Variants in NXPH1 observed in about 807,000 individuals in gnomAD.
NXPH1 encodes the protein neurexophilin-1.
NXPH1 carries 5 observed loss-of-function variants against 23.7 expected under a neutral mutation model. The ratio of observed to expected loss-of-function variants is 0.21; its 90% CI spans 0.11 to 0.44. NXPH1 has a LOEUF of 0.44. NXPH1 is among the 20% of genes least tolerant of loss of function. The pLI, the probability that NXPH1 is intolerant of heterozygous loss-of-function variation, is 0.99. For synonymous variants in NXPH1, 144 were observed against 122.2 expected (o/e 1.18, Z -1.18); for missense variants, 324 against 321.6 (o/e 1.01, Z -0.06).
At chr7:8,568,910 G>A (rs1818597747) in intron 2 of NXPH1, among the ~76,000 whole-genome samples, 1 of 151,806 alleles carries the variant, frequency 6.6e-6, no homozygotes, top group Non-Finnish European at 1.5e-5. Context: ...ATGCAACAGG[G>A]ATTTGATCAT....
At position 8,751,226 on chromosome 7, in the gene NXPH1, G is replaced by A. The variant is rs969097602; in HGVS notation, c.273G>A (p.Leu91=). 3.7e-6 allele frequency: 6 copies of A among 1,613,902 alleles called. No homozygotes were observed. Among genetic ancestry groups the A allele is most frequent in the African/African-American group, 1.3e-5 (1 of 75,060 alleles). Residue 91 remains leucine, a synonymous_variant, in exon 3 of 3, where the codon CTG becomes CTA. Transcript: ENST00000405863. The surrounding 1 kb of genome is among the most constrained non-coding windows in gnomAD (Gnocchi z 4.5). The stretch of plus-strand genomic sequence containing the variant: ...CTGAGCAAGACCTCTGGGACTGGCT[G>A]AGGAACTCCACAGACCTTCAAGAGC... ...PYSEQDLWDW[L]RNSTDLQEPR...
intron 2 of NXPH1, among the ~76,000 whole-genome samples, chr7:8,677,687 T>C (rs181514552): frequency 6.6e-6 from 1 of 152,170 alleles, no homozygotes; most frequent in African/African-American, 2.4e-5. Flanking sequence ...TTTCCAACTA[T>C]ACAAGGCACT....
chr7:8,578,576 A>C (rs528617803), intron 2 of NXPH1, among the ~76,000 whole-genome samples: 1 of 152,234 alleles, frequency 6.6e-6, no homozygotes, highest in Non-Finnish European at 1.5e-5. Context: ...AAAGCAGAGC[A>C]GATTTTATAG....
intron 2 of NXPH1, among the ~76,000 whole-genome samples, chr7:8,612,718 C>T (rs966264327): frequency 5.9e-5 from 9 of 152,056 alleles, no homozygotes; most frequent in African/African-American, 2.2e-4. Flanking sequence ...CACAGTCTGT[C>T]TCATTCATTC....
chr7:8,648,903 A>G (rs1820440364), intron 2 of NXPH1, among the ~76,000 whole-genome samples: 1 of 151,968 alleles, frequency 6.6e-6, no homozygotes, highest in South Asian at 2.1e-4. Context: ...CAAGTTTCTA[A>G]TTGGTATATC....
chr7:8,691,410 A>G (rs1425559044), intron 2 of NXPH1, among the ~76,000 whole-genome samples: 1 of 152,146 alleles, frequency 6.6e-6, no homozygotes, highest in Non-Finnish European at 1.5e-5. Flanking sequence ...CAGCCTCCCA[A>G]AGTGCTGGGA....
chr7:8,492,804 A>G (rs961716707), intron 2 of NXPH1, among the ~76,000 whole-genome samples: 7 of 151,990 alleles, frequency 4.6e-5, no homozygotes, highest in African/African-American at 1.7e-4. Context: ...GAAACTGCAC[A>G]ATGAGCCTTC....
At chr7:8,460,259 AT>A (rs1397246160) in intron 2 of NXPH1, among the ~76,000 whole-genome samples, 1 of 152,156 alleles carries the variant, frequency 6.6e-6, no homozygotes, top group Non-Finnish European at 1.5e-5. Flanking sequence ...TTATTTACTA[AT>A]TTTGTACCTC....
intron 2 of NXPH1, among the ~76,000 whole-genome samples, chr7:8,523,499 CTG>C (rs1223912589): frequency 2.6e-5 from 4 of 152,350 alleles, no homozygotes; most frequent in South Asian, 2.1e-4. Context: ...ACTTCTAAAA[CTG>C]TGTCCCAAGG....
chr7:8,742,160 C>T (rs56162120), intron 2 of NXPH1, among the ~76,000 whole-genome samples: 19,616 of 152,106 alleles, frequency 0.13, 1,484 homozygotes, highest in South Asian at 0.19. Context: ...TGAAGGAATA[C>T]TATATCCATG....
intron 2 of NXPH1, among the ~76,000 whole-genome samples, chr7:8,436,149 G>T (rs752620878): frequency 6.6e-6 from 1 of 152,134 alleles, no homozygotes; most frequent in East Asian, 1.9e-4. Context: ...GTAGTTGGGT[G>T]GTGGAAAGAA....
intron 2 of NXPH1, among the ~76,000 whole-genome samples, chr7:8,591,091 C>G (rs1819085342): frequency 1.3e-5 from 2 of 151,986 alleles, no homozygotes; most frequent in South Asian, 2.1e-4. Context: ...GAGGAGAAAA[C>G]AAGATACTAT....
At chr7:8,594,772 A>C (rs10267439) in intron 2 of NXPH1, among the ~76,000 whole-genome samples, 6,241 of 151,998 alleles carry the variant, frequency 0.041, 263 homozygotes, top group African/African-American at 0.1. Flanking sequence ...CTTAATAGAA[A>C]CCTGGTGTCC....
intron 2 of NXPH1, among the ~76,000 whole-genome samples, chr7:8,739,609 C>T (rs975576977): frequency 3.3e-5 from 5 of 152,092 alleles, no homozygotes; most frequent in Non-Finnish European, 7.3e-5. Flanking sequence ...TTGCCAGTCA[C>T]CTATTTTCCT....
chr7:8,539,413 T>C (rs944425079), intron 2 of NXPH1, among the ~76,000 whole-genome samples: 1 of 151,828 alleles, frequency 6.6e-6, no homozygotes, highest in Non-Finnish European at 1.5e-5. Flanking sequence ...TGTTTGACTT[T>C]TAAAACAATG....
intron 2 of NXPH1, among the ~76,000 whole-genome samples, chr7:8,655,463 C>CACAT (rs1820563638): frequency 7.5e-6 from 1 of 133,030 alleles, no homozygotes; most frequent in Non-Finnish European, 1.6e-5. Flanking sequence ...CACACACACA[C>CACAT]ACACACACAC....
At chr7:8,744,567 C>G (rs761350747) in intron 2 of NXPH1, among the ~76,000 whole-genome samples, 3 of 152,188 alleles carry the variant, frequency 2.0e-5, no homozygotes, top group Admixed American at 6.5e-5. Flanking sequence ...ACAATACCAT[C>G]TACTCATACT....
At chr7:8,571,574 G>A (rs1468402211) in intron 2 of NXPH1, among the ~76,000 whole-genome samples, 1 of 151,718 alleles carries the variant, frequency 6.6e-6, no homozygotes, top group Non-Finnish European at 1.5e-5. Flanking sequence ...TAATGTCAAG[G>A]AAGAGTCCCA....
intron 2 of NXPH1, among the ~76,000 whole-genome samples, chr7:8,665,902 G>GT (rs1366726496): frequency 1.1e-4 from 8 of 73,944 alleles, no homozygotes; most frequent in African/African-American, 2.2e-4. Context: ...GTTCTAAGAG[G>GT]TTTTTTTTTC....
Sources: allele counts gnomAD v4.1 joint callset (sites outside exome capture counted in the v4.1 genomes callset), GRCh38; gene constraint gnomAD v4.1.1; non-coding constraint Gnocchi (gnomAD v3.1); transcripts MANE v1.5; gene names NCBI Gene and HGNC (gene_info 2026-07-23, HGNC 2026-07-21).